Variants in ACYP2 observed in about 807,000 individuals in gnomAD.
The protein encoded by ACYP2 is acylphosphatase 2, also known as acylphosphatase-2.
Under a neutral mutation model 11.2 loss-of-function variants are expected in ACYP2, and 12 were observed. The ratio of observed to expected loss-of-function variants is 1.08; its 90% CI spans 0.69 to 1.74. The LOEUF is 1.74. Ranked by LOEUF, ACYP2 falls within the 40% of genes most tolerant of loss-of-function variation. The probability of loss-of-function intolerance (pLI) is 0.00; values close to 1 mark genes in which losing one functional copy is unlikely to be tolerated. For missense variants in ACYP2, 134 were observed against 101.9 expected (o/e 1.31, Z -1.35); for synonymous variants, 43 against 32.2 (o/e 1.33, Z -1.13).
chr2:54,247,518 T>C (rs1010556420), intron 6 of ACYP2, among the ~76,000 whole-genome samples: 8 of 152,208 alleles, frequency 5.3e-5, no homozygotes, highest in African/African-American at 1.9e-4. Context: ...TCATAGGCAC[T>C]ACTGTATCTT....
intron 3 of ACYP2, among the ~76,000 whole-genome samples, chr2:54,056,490 G>T (rs1233425646): frequency 6.6e-6 from 1 of 152,104 alleles, no homozygotes; most frequent in African/African-American, 2.4e-5. Context: ...CTTTTTTAAA[G>T]ATATTTTTGC....
At chr2:54,282,486 A>T (rs995512030) in intron 6 of ACYP2, among the ~76,000 whole-genome samples, 3 of 152,216 alleles carry the variant, frequency 2.0e-5, no homozygotes, top group Admixed American at 2.0e-4. Context: ...ACCTGGAACA[A>T]AGTTCTGCCT....
chr2:54,171,348 G>A (rs1374958328), intron 6 of ACYP2, among the ~76,000 whole-genome samples: 1 of 152,158 alleles, frequency 6.6e-6, no homozygotes, highest in East Asian at 1.9e-4. Flanking sequence ...ATATGGGAAT[G>A]TTATCGGGGG....
In ACYP2 at chr2:54,077,620, T is replaced by C. The variant is rs1410735457; in HGVS notation, c.277+20260T>C. Among the ~76,000 whole-genome samples, 3 of 152,268 alleles carry C rather than the reference T, an allele frequency of 2.0e-5. No individual in the cohort carries two copies. In the East Asian group the frequency reaches 5.8e-4, roughly 29 times the overall value. On this transcript the variant is annotated intron_variant, in intron 4 of 6. Transcript: ENST00000607452. ...CAGGCAGAGAAGTGGCTTGTGAGGATAGACTGACCATTAGAGTGTCCAGCA... is the reference window on the plus strand; with the variant it reads ...CAGGCAGAGAAGTGGCTTGTGAGGACAGACTGACCATTAGAGTGTCCAGCA...
chr2:53,995,147 C>T, intron 2 of ACYP2, among the ~76,000 whole-genome samples: 1 of 152,346 alleles, frequency 6.6e-6, no homozygotes, highest in Non-Finnish European at 1.5e-5. Context: ...ACTCTAGCTG[C>T]AGCTCTTCTC....
intron 2 of ACYP2, among the ~76,000 whole-genome samples, chr2:54,038,180 T>C (rs1166794995): frequency 6.6e-6 from 1 of 152,170 alleles, no homozygotes; most frequent in Non-Finnish European, 1.5e-5. Flanking sequence ...AGCGTCCTGA[T>C]TCAAACATTT....
intron 2 of ACYP2, among the ~76,000 whole-genome samples, chr2:54,000,017 G>T (rs973080933): frequency 6.6e-6 from 1 of 151,898 alleles, no homozygotes; most frequent in African/African-American, 2.4e-5. Flanking sequence ...CTTAAATAGG[G>T]TTGGGATTTT....
chr2:54,025,500 G>A (rs538597706), intron 2 of ACYP2, among the ~76,000 whole-genome samples: 25 of 152,228 alleles, frequency 1.6e-4, no homozygotes, highest in Non-Finnish European at 3.2e-4. Context: ...TCAACAAATG[G>A]TGCTGGGATA....
In ACYP2 at chr2:54,152,291, A is replaced by G. The variant is rs148592427; in HGVS notation, c.404+13543A>G. Among the ~76,000 whole-genome samples the G allele has an allele frequency of 3.7e-3, 558 of 151,682 alleles. 7 individuals are homozygous for G. Among genetic ancestry groups the G allele is most frequent in the African/African-American group, 0.013 (523 of 41,370 alleles). On this transcript the variant is annotated intron_variant, in intron 6 of 6. Coordinates refer to ENST00000607452, the MANE Select transcript of ACYP2 (RefSeq NM_001320586.2). Reference sequence around the variant, plus strand: ...TACATGATGCTCAGCTAATTTTTTTATTCTTTATTTTTTGTAGAGATGGGA... The same window carrying G: ...TACATGATGCTCAGCTAATTTTTTTGTTCTTTATTTTTTGTAGAGATGGGA...
rs1275238580 is a variant in ACYP2, at chr2:53,984,674, AATACATT to A, written c.62+10865_62+10871del. Among the ~76,000 whole-genome samples, 3 of 151,040 alleles carry A rather than the reference AATACATT, an allele frequency of 2.0e-5. No homozygotes were observed. The East Asian group carries it at 5.8e-4, about 29-fold the overall frequency. On this transcript the variant is annotated intron_variant, in intron 2 of 6. Coordinates refer to ENST00000607452, the MANE Select transcript of ACYP2 (RefSeq NM_001320586.2). ...TAAAATATATGTAGTATGTATATAA[AATACATT>A]GGGACCAAGCAAGGTTTATTGCAGG...
intron 6 of ACYP2, among the ~76,000 whole-genome samples, chr2:54,210,802 C>T (rs968407799): frequency 1.3e-5 from 2 of 151,916 alleles, no homozygotes; most frequent in African/African-American, 4.8e-5. Context: ...CACTTGGTAA[C>T]TCTTTAAAGC....
In ACYP2 at chr2:54,063,122, AAAT is replaced by A. The variant is rs756868617; in HGVS notation, c.277+5775_277+5777del. ...ATTACAATCCAGTGGGGAAGATAGA[AAAT>A]AATAATAATAATTTATTTTATTTAT... On this transcript the variant is annotated intron_variant, in intron 4 of 6. Coordinates refer to ENST00000607452, the MANE Select transcript of ACYP2 (RefSeq NM_001320586.2). Among the ~76,000 whole-genome samples the A allele has an allele frequency of 2.6e-5, 4 of 152,062 alleles. 1 individual carries two copies. The highest frequency in any genetic ancestry group is 9.6e-5 in the African/African-American group (4 of 41,512).
At chr2:54,109,503 C>A (rs561291425) in intron 4 of ACYP2, among the ~76,000 whole-genome samples, 1 of 152,030 alleles carries the variant, frequency 6.6e-6, no homozygotes, top group African/African-American at 2.4e-5. Flanking sequence ...TCAGAAATCA[C>A]CACTAAAGAA....
intron 2 of ACYP2, among the ~76,000 whole-genome samples, chr2:53,991,100 A>G (rs1249030684): frequency 6.6e-6 from 1 of 152,034 alleles, no homozygotes; most frequent in Non-Finnish European, 1.5e-5. Flanking sequence ...CCTGTCGAGA[A>G]TTTGTGTTTC....
intron 2 of ACYP2, among the ~76,000 whole-genome samples, chr2:53,994,982 A>G (rs914003682): frequency 2.6e-5 from 4 of 152,182 alleles, no homozygotes; most frequent in African/African-American, 9.7e-5. Context: ...CTTTATATAT[A>G]TGTTTTCAAC....
At position 54,255,600 on chromosome 2, in the gene ACYP2, G is replaced by C. The variant is rs754452381; in HGVS notation, c.405-49088G>C. On this transcript the variant is annotated intron_variant, in intron 6 of 6. Coordinates refer to ENST00000607452, the MANE Select transcript of ACYP2 (RefSeq NM_001320586.2). ...GCCCGGGCCCAGGCCCTGCCTCCCT[G>C]TTTACCTCATCTATTGCTCTGTTTT... 1.7e-5 allele frequency: 28 copies of C among 1,613,320 alleles called. No homozygotes were observed. The South Asian group carries it at 1.8e-4, about 10-fold the overall frequency.
intron 2 of ACYP2, among the ~76,000 whole-genome samples, chr2:53,981,764 A>C (rs1671774472): frequency 6.6e-6 from 1 of 152,180 alleles, no homozygotes; most frequent in Non-Finnish European, 1.5e-5. Context: ...ACAATAGGCT[A>C]CACCATATAG....
chr2:54,031,517 G>C (rs986103056), intron 2 of ACYP2, among the ~76,000 whole-genome samples: 15 of 152,064 alleles, frequency 9.9e-5, no homozygotes, highest in Non-Finnish European at 2.2e-4. Context: ...TCTTAATCCA[G>C]TCTATCATTG....
intron 4 of ACYP2, chr2:54,123,039 T>A (rs1680248471): frequency 4.1e-6 from 1 of 246,222 alleles, no homozygotes; most frequent in Non-Finnish European, 7.7e-6. Flanking sequence ...AGAAGTATGA[T>A]CCCTGTGGGT....
Sources: allele counts gnomAD v4.1 joint callset (sites outside exome capture counted in the v4.1 genomes callset), GRCh38; gene constraint gnomAD v4.1.1; transcripts MANE v1.5; gene names NCBI Gene and HGNC (gene_info 2026-07-23, HGNC 2026-07-21).